The following CYP4X1 variants were observed in gnomAD, a reference collection of about 807,000 sequenced individuals.
CYP4X1 encodes the protein cytochrome P450 4X1.
In CYP4X1, 44 loss-of-function variants were observed where a neutral mutation model predicts 57.9. The observed-to-expected ratio is 0.76, with a 90% confidence interval of 0.60 to 0.98. The LOEUF is 0.98. Ranked by LOEUF, CYP4X1 falls within the 50% of genes least tolerant of loss-of-function variation. The probability of loss-of-function intolerance (pLI) is 0.00; values close to 1 mark genes in which losing one functional copy is unlikely to be tolerated. For synonymous variants in CYP4X1, 227 were observed against 228.6 expected (o/e 0.99, Z 0.06); for missense variants, 532 against 623.9 (o/e 0.85, Z 1.57).
At chr1:47,033,528 G>A (rs1033825560) in intron 4 of CYP4X1, among the ~76,000 whole-genome samples, 160 bp downstream of exon 4, 2 of 152,130 alleles carry the variant, frequency 1.3e-5, no homozygotes, top group Non-Finnish European at 2.9e-5. Context: ...TAAAAAATTT[G>A]TTATGTTCTT....
intron 6 of CYP4X1, among the ~76,000 whole-genome samples, chr1:47,036,889 G>C (rs2148510388): frequency 6.6e-6 from 1 of 152,298 alleles, no homozygotes; most frequent in East Asian, 1.9e-4. Flanking sequence ...GTAAAGTATA[G>C]TTATGTCAAA....
intron 3 of CYP4X1, 126 bp from the exon 4 acceptor site, chr1:47,033,115 C>CT (rs1644141107): frequency 2.0e-6 from 2 of 1,007,142 alleles, no homozygotes; most frequent in African/African-American, 1.6e-5. Flanking sequence ...ACGAGTACTA[C>CT]TTTGATACTC....
chr1:46,966,597 T>A, the CYP4X1 span, among the ~76,000 whole-genome samples: 1 of 152,188 alleles, frequency 6.6e-6, no homozygotes, highest in South Asian at 2.1e-4. Flanking sequence ...TGGGCTGAAT[T>A]GTTTGCCTAG....
chr1:46,994,869 T>C, the CYP4X1 span, among the ~76,000 whole-genome samples: 1 of 152,236 alleles, frequency 6.6e-6, no homozygotes, highest in Admixed American at 6.5e-5. Context: ...TATAGTCTAA[T>C]TTACTGAATG....
At chr1:47,018,002 A>G in the CYP4X1 span, among the ~76,000 whole-genome samples, 2 of 152,164 alleles carry the variant, frequency 1.3e-5, no homozygotes, top group Non-Finnish European at 2.9e-5. Context: ...TTCACATAAC[A>G]TAGGGATTGT....
At chr1:47,010,726 A>G in the CYP4X1 span, among the ~76,000 whole-genome samples, 2 of 152,204 alleles carry the variant, frequency 1.3e-5, no homozygotes, top group Non-Finnish European at 2.9e-5. Context: ...CAGGATACAA[A>G]ATCAATGTGC....
At chr1:47,051,183 AC>A (rs1406042939), downstream of CYP4X1, among the ~76,000 whole-genome samples, 1 of 152,198 alleles carries the variant, frequency 6.6e-6, no homozygotes, top group Non-Finnish European at 1.5e-5. Flanking sequence ...ACAATGAGAT[AC>A]CATCTCACAC....
chr1:46,976,486 T>C, the CYP4X1 span, among the ~76,000 whole-genome samples: 1 of 152,164 alleles, frequency 6.6e-6, no homozygotes, highest in Non-Finnish European at 1.5e-5. Context: ...CAATGAGGCC[T>C]GCCTGCCTCT....
At chr1:47,049,904 T>G (rs1644343736) in intron 11 of CYP4X1, 96 bp from the exon 12 acceptor site, 2 of 1,259,556 alleles carry the variant, frequency 1.6e-6, no homozygotes, top group African/African-American at 3.0e-5. Context: ...AAATATCACT[T>G]TACTGTGTAC....
the CYP4X1 span, among the ~76,000 whole-genome samples, chr1:46,989,729 A>T: frequency 2.0e-5 from 3 of 152,112 alleles, no homozygotes; most frequent in Non-Finnish European, 4.4e-5. Context: ...CAGAATAGAG[A>T]CCTCAGAAAT....
In CYP4X1 at chr1:47,035,915, C is replaced by A; in HGVS notation, c.602C>A (p.Thr201Asn). The change falls in exon 5 of 12, where the codon ACC becomes AAC. Residue 201 changes from threonine to asparagine, a missense_variant. Physicochemically the swap from Thr to Asn is moderately conservative, Grantham distance 65. Coordinates refer to ENST00000371901, the MANE Select transcript of CYP4X1 (RefSeq NM_178033.2). ...IIMKCAFSKE[T>N]NCQTNSTHDP... ...ATGAAATGCGCTTTCAGCAAGGAGA[C>A]CAACTGCCAGACAAACAGGTCAGTG... 1.2e-6 allele frequency: 2 copies of A among 1,613,658 alleles called. No homozygotes were observed. The highest frequency in any genetic ancestry group is 1.7e-6 in the Non-Finnish European group (2 of 1,179,762).
chr1:47,014,436 T>A, the CYP4X1 span, among the ~76,000 whole-genome samples: 3 of 152,182 alleles, frequency 2.0e-5, no homozygotes, highest in African/African-American at 4.8e-5. Context: ...ATCCCTGAGA[T>A]CCCCATCCAG....
the CYP4X1 span, among the ~76,000 whole-genome samples, chr1:46,991,833 A>C: frequency 6.6e-6 from 1 of 152,148 alleles, no homozygotes; most frequent in East Asian, 1.9e-4. Flanking sequence ...GGGAAGGAGG[A>C]GGCTTTGGAG....
chr1:46,968,355 C>T, the CYP4X1 span, among the ~76,000 whole-genome samples: 2 of 152,184 alleles, frequency 1.3e-5, no homozygotes, highest in Non-Finnish European at 2.9e-5. Flanking sequence ...AGCCACATCC[C>T]AGCTTAGACC....
intron 9 of CYP4X1, among the ~76,000 whole-genome samples, chr1:47,047,349 A>G (rs903212717): frequency 1.3e-5 from 2 of 152,198 alleles, no homozygotes; most frequent in Non-Finnish European, 2.9e-5. Flanking sequence ...GAAGCAAGCC[A>G]ACAGGATTGC....
chr1:47,049,706 C>A (rs925866893), intron 11 of CYP4X1, among the ~76,000 whole-genome samples: 1 of 152,126 alleles, frequency 6.6e-6, no homozygotes, highest in South Asian at 2.1e-4. Context: ...CAAAAGCAGT[C>A]CCACAATGTA....
chr1:46,989,103 C>T, the CYP4X1 span, among the ~76,000 whole-genome samples: 4 of 152,254 alleles, frequency 2.6e-5, no homozygotes, highest in Non-Finnish European at 4.4e-5. Context: ...GAGAGGAAGT[C>T]AAATTGTCTC....
At chr1:46,968,954 T>A in the CYP4X1 span, among the ~76,000 whole-genome samples, 1 of 152,244 alleles carries the variant, frequency 6.6e-6, no homozygotes, top group Non-Finnish European at 1.5e-5. Context: ...GTATTAGTTC[T>A]GAGCTCGAAT....
intron 1 of CYP4X1, 82 bp from the exon 2 acceptor site, chr1:47,029,908 C>A: frequency 6.7e-7 from 1 of 1,483,334 alleles, no homozygotes; most frequent in Non-Finnish European, 9.2e-7. Flanking sequence ...GTGACCTTAT[C>A]AGGTCCTGAA....
Sources: gnomAD v4.1 joint callset for allele counts (sites outside exome capture counted in the v4.1 genomes callset) on GRCh38, gnomAD v4.1.1 for gene constraint, MANE v1.5 for transcripts, NCBI Gene and HGNC (gene_info 2026-07-23, HGNC 2026-07-21) for gene names.